Variants in THBS1 observed in about 807,000 individuals in gnomAD.
THBS1 encodes the protein thrombospondin 1, also known as thrombospondin-1.
In THBS1, 29 loss-of-function variants were observed where a neutral mutation model predicts 126.1. The ratio of observed to expected loss-of-function variants is 0.23; its 90% CI spans 0.17 to 0.31. The LOEUF (loss-of-function observed/expected upper bound fraction) is 0.31, where lower values mean the gene tolerates loss of function less well. Among genes scored for constraint, THBS1 ranks in the 10% least tolerant of loss-of-function variants. The pLI, the probability that THBS1 is intolerant of heterozygous loss-of-function variation, is 1.00. For synonymous variants in THBS1, 496 were observed against 577.8 expected, an observed-to-expected ratio of 0.86 and a Z score of 2.03; for missense variants, 1,198 against 1,545.2, an observed-to-expected ratio of 0.78 and a Z score of 3.77.
At position 39,589,597 on chromosome 15, in the gene THBS1, G is replaced by A. The variant is rs117965356; in HGVS notation, c.1927-208G>A. On this transcript the variant is annotated intron_variant, in intron 12 of 21. Transcript: ENST00000260356. This position sits in a 1 kb window ranked among gnomAD's most constrained non-coding sequence, Gnocchi z 4.7. ...GTTGTGAGCAGATGGACTTGTAAACGCCTAGGTGCTGAGCAAATTCAAGAA... is the reference window on the plus strand; with the variant it reads ...GTTGTGAGCAGATGGACTTGTAAACACCTAGGTGCTGAGCAAATTCAAGAA... Among the ~76,000 whole-genome samples the A allele has an allele frequency of 7.2e-5, 11 of 152,294 alleles. No homozygotes were observed. The East Asian group carries it at 1.5e-3, about 21-fold the overall frequency.
Position 39,599,324 on chromosome 15 carries a change from T to C in THBS1, c.*3955T>C, listed in dbSNP as rs1161746488. 2 of 152,236 alleles carry C rather than the reference T, an allele frequency of 1.3e-5. No individual in the cohort carries two copies. Among genetic ancestry groups the C allele is most frequent in the African/African-American group, 4.8e-5 (2 of 41,454 alleles). The allele number at this position is 152,236 out of a possible 1,614,324, so 9.4% of individuals were successfully genotyped here. A position where few individuals can be genotyped will look rare whatever the true frequency, so the allele number is the denominator to read the frequency against. On this transcript the variant is annotated 3_prime_UTR_variant, in exon 22 of 22. Coordinates refer to ENST00000260356, the MANE Select transcript of THBS1 (RefSeq NM_003246.4). ...GCTGTGAATGGTCCCACCTCTTTTA[T>C]GGCAGAATTCATTACTTAAAATAAC...
intron 15 of THBS1, 70 bp from the exon 16 acceptor site, chr15:39,591,435 T>C (rs1001703539): frequency 1.2e-6 from 2 of 1,607,386 alleles, no homozygotes; most frequent in Non-Finnish European, 1.7e-6. Context: ...TCCTGGCTAT[T>C]AGTATGCACT....
rs781668577 is a variant in THBS1, at chr15:39,581,823, C to T, written c.-29-6C>T. On this transcript the variant is annotated splice_polypyrimidine_tract_variant and splice_region_variant and intron_variant, in intron 1 of 21. Coordinates refer to ENST00000260356, the MANE Select transcript of THBS1 (RefSeq NM_003246.4). ...TGACCCTCGGCTCTTGTGCTTCCTGCTACAGGATCCCTGCTGGGCACCAAC... is the reference window on the plus strand; with the variant it reads ...TGACCCTCGGCTCTTGTGCTTCCTGTTACAGGATCCCTGCTGGGCACCAAC... 8.6e-5 allele frequency: 138 copies of T among 1,602,266 alleles called. 2 individuals carry two copies. In the Middle Eastern group the frequency reaches 9.9e-4, roughly 11 times the overall value.
chr15:39,593,745 A>G lies in THBS1; in HGVS notation c.3267+77A>G. 6.4e-7 allele frequency: 1 copy of G among 1,557,680 alleles called. No homozygotes were observed. The highest frequency in any genetic ancestry group is 2.3e-5 in the East Asian group (1 of 44,430). ...CACTGGGGATGCTGTGCTTTGACCA[A>G]GACTCTGACCAGGGAGTCTTAGAAA... On this transcript the variant is annotated intron_variant, in intron 19 of 21. Coordinates refer to ENST00000260356, the MANE Select transcript of THBS1 (RefSeq NM_003246.4). This position sits in a 1 kb window ranked among gnomAD's most constrained non-coding sequence, Gnocchi z 5.9.
chr15:39,584,545 T>G lies in THBS1; in HGVS notation c.1026+123T>G, dbSNP rs1890175702. ...GTTCCATGGCCTGATAACAAAGTGT[T>G]TTTTTTTTCTTTAAGATGCAATTAT... On this transcript the variant is annotated intron_variant, in intron 6 of 21. Transcript: ENST00000260356. 9 of 1,340,600 alleles carry G rather than the reference T, an allele frequency of 6.7e-6. No homozygotes were observed. In the South Asian group the frequency reaches 1.3e-4, roughly 20 times the overall value. The allele number at this position is 1,340,600 out of a possible 1,614,324, so 83.0% of individuals were successfully genotyped here. A position where few individuals can be genotyped will look rare whatever the true frequency, so the allele number is the denominator to read the frequency against.
rs946391188 is a variant in THBS1, at chr15:39,591,172, C to T, written c.2254-19C>T. 3.1e-6 allele frequency: 5 copies of T among 1,610,990 alleles called. No individual in the cohort carries two copies. In the African/African-American group the frequency reaches 4.0e-5, roughly 13 times the overall value. On this transcript the variant is annotated intron_variant, in intron 14 of 21. Coordinates refer to ENST00000260356, the MANE Select transcript of THBS1 (RefSeq NM_003246.4). ...TTCAAGGACAACATTGTTAAGTGCTCCATTTCTTCTCTTTGCAGGACAACT... is the reference window on the plus strand; with the variant it reads ...TTCAAGGACAACATTGTTAAGTGCTTCATTTCTTCTCTTTGCAGGACAACT...
chr15:39,584,232 G>A (rs774812152), intron 5 of THBS1, 45 bp downstream of exon 5: 8 of 1,614,074 alleles, frequency 5.0e-6, no homozygotes, highest in South Asian at 3.3e-5. Context: ...ACCCTGGAAG[G>A]TTTATCGCAG....
In THBS1 at chr15:39,582,594, ACCCTGTTT is replaced by A; in HGVS notation, c.470_477del (p.Thr157SerfsTer13). 1 of 1,614,104 alleles carries A rather than the reference ACCCTGTTT, an allele frequency of 6.2e-7. No individual in the cohort carries two copies. Among genetic ancestry groups the A allele is most frequent in the Non-Finnish European group, 8.5e-7 (1 of 1,180,030 alleles). ...GGCAACCGGCCAGTGGAAGAGCATC[ACCCTGTTT>A]GTGCAGGAAGACAGGGCCCAGCTGT... On this transcript the variant is annotated frameshift_variant, in exon 3 of 22. Transcript: ENST00000260356. LOFTEE classifies it high-confidence loss of function.
At position 39,590,008 on chromosome 15, in the gene THBS1, T is replaced by C. The variant is rs1168599369; in HGVS notation, c.2130T>C (p.Thr710=). 1.2e-6 allele frequency: 2 copies of C among 1,605,110 alleles called. No individual in the cohort carries two copies. Among genetic ancestry groups the C allele is most frequent in the Non-Finnish European group, 1.7e-6 (2 of 1,175,636 alleles). ...NENLVCVANA[T]YHCKKDNCPN... ...ACCTGGTGTGCGTGGCCAATGCGAC[T>C]TACCACTGCAAAAAGGTAGAGCCAG... The change falls in exon 13 of 22, where the codon ACT becomes ACC. Residue 710 remains threonine, a synonymous_variant. Transcript: ENST00000260356.
At chr15:39,590,967 A>G in intron 14 of THBS1, 2 of 575,924 alleles carry the variant, frequency 3.5e-6, no homozygotes, top group Non-Finnish European at 6.0e-6. Context: ...TGATGGGATT[A>G]TATTCTACAT....
At position 39,593,591 on chromosome 15, in the gene THBS1, A is replaced by G; in HGVS notation, c.3190A>G (p.Lys1064Glu). 6.2e-7 allele frequency: 1 copy of G among 1,614,218 alleles called. No homozygotes were observed. The highest frequency in any genetic ancestry group is 8.5e-7 in the Non-Finnish European group (1 of 1,180,034). ...RAQGYSGLSV[K>E]VVNSTTGPGE... ...TCAGGGATACTCGGGCCTTTCTGTG[A>G]AAGTTGTAAACTCCACCACAGGGCC... Residue 1064 changes from lysine to glutamate, a missense_variant, in exon 19 of 22, where the codon AAA becomes GAA. Transcript: ENST00000260356. This position sits in a 1 kb window ranked among gnomAD's most constrained non-coding sequence, Gnocchi z 5.9.
At chr15:39,584,543 G>GT (rs5812127) in intron 6 of THBS1, 121 bp downstream of exon 6, 203,046 of 1,120,366 alleles carry the variant, frequency 0.18, 9,569 homozygotes, top group African/African-American at 0.43. Context: ...ATAACAAAGT[G>GT]TTTTTTTTTT....
In THBS1 at chr15:39,589,153, T is replaced by C. The variant is rs1566840604; in HGVS notation, c.1774-49T>C. ...GCAGCTAACCTGTGCAGTCGCTTCC[T>C]TATGGCAGTGACTTCTAAACATGAT... On this transcript the variant is annotated intron_variant, in intron 11 of 21. Coordinates refer to ENST00000260356, the MANE Select transcript of THBS1 (RefSeq NM_003246.4). The surrounding 1 kb of genome is among the most constrained non-coding windows in gnomAD (Gnocchi z 4.7). The C allele has an allele frequency of 6.2e-7, 1 of 1,613,004 alleles. No homozygotes were observed. Among genetic ancestry groups the C allele is most frequent in the East Asian group, 2.2e-5 (1 of 44,854 alleles).
At position 39,589,495 on chromosome 15, in the gene THBS1, A is replaced by T; in HGVS notation, c.1926+141A>T. 8.5e-7 allele frequency: 1 copy of T among 1,171,010 alleles called. No individual in the cohort carries two copies. Among genetic ancestry groups the T allele is most frequent in the Non-Finnish European group, 1.2e-6 (1 of 856,546 alleles). 72.5% of individuals were successfully genotyped at this position (1,171,010 alleles called of 1,614,324 possible). ...ATGAATGTACGGTCTAGTTTTAGAA[A>T]CGTGATTAGAAAATCCATGGTAAAT... is the stretch of plus-strand genomic sequence containing the variant. On this transcript the variant is annotated intron_variant, in intron 12 of 21. Coordinates refer to ENST00000260356, the MANE Select transcript of THBS1 (RefSeq NM_003246.4). The surrounding 1 kb of genome is among the most constrained non-coding windows in gnomAD (Gnocchi z 4.7).
In THBS1 at chr15:39,594,124, G is replaced by C. The variant is rs780442980; in HGVS notation, c.3293G>C (p.Arg1098Pro). The change falls in exon 20 of 22, where the codon CGT (arginine) becomes CCT (proline). Residue 1098 changes from arginine (R) to proline (P), a missense_variant. This residue lies in a region of THBS1 where 255 missense variants were observed against 373.9 expected (regional missense o/e 0.68). Transcript: ENST00000260356. This position sits in a 1 kb window ranked among gnomAD's most constrained non-coding sequence, Gnocchi z 4.4. ...GQVRTLWHDP[R>P]HIGWKDFTAY... ...GTGCGCACCCTGTGGCATGACCCTC[G>C]TCACATAGGCTGGAAAGATTTCACC... 49 of 1,613,788 alleles carry C rather than the reference G, an allele frequency of 3.0e-5. No homozygotes were observed. The highest frequency in any genetic ancestry group is 4.0e-5 in the Non-Finnish European group (47 of 1,179,956).
chr15:39,584,367 A>G lies in THBS1; in HGVS notation c.971A>G (p.Gln324Arg). The G allele has an allele frequency of 6.2e-7, 1 of 1,614,264 alleles. No homozygotes were observed. The highest frequency in any genetic ancestry group is 2.2e-5 in the East Asian group (1 of 44,890). The part of the protein sequence containing the change: ...RPPLCYHNGV[Q>R]YRNNEEWTVD... ...CCCCTATGCTATCACAACGGAGTTC[A>G]GTACAGAAATAACGAGGAATGGACT... The change falls in exon 6 of 22, where the codon CAG becomes CGG. Residue 324 changes from glutamine (Q) to arginine (R), a missense_variant. Physicochemically the swap from Gln to Arg is conservative, Grantham distance 43. Transcript: ENST00000260356.
Position 39,588,708 on chromosome 15 carries a change from C to T in THBS1, c.1645+9C>T, listed in dbSNP as rs373521136. ...GCAGGACTGTCCAATTGGTGAGCCA[C>T]GCAGCCCAGGATGAAACGACCCAGG... On this transcript the variant is annotated intron_variant, in intron 10 of 21. Coordinates refer to ENST00000260356, the MANE Select transcript of THBS1 (RefSeq NM_003246.4). The T allele has an allele frequency of 1.4e-4, 212 of 1,563,052 alleles. No individual in the cohort carries two copies. Among genetic ancestry groups the T allele is most frequent in the Non-Finnish European group, 1.7e-4 (201 of 1,155,790 alleles).
rs754843401 is a variant in THBS1, at chr15:39,593,458, C to T, written c.3057C>T (p.Asp1019=). 98 of 1,613,990 alleles carry T rather than the reference C, an allele frequency of 6.1e-5. No individual in the cohort carries two copies. The highest frequency in any genetic ancestry group is 7.4e-5 in the Non-Finnish European group (87 of 1,180,014). Residue 1019 remains aspartate, a synonymous_variant, in exon 19 of 22, where the codon GAC becomes GAT. Transcript: ENST00000260356. The surrounding 1 kb of genome is among the most constrained non-coding windows in gnomAD (Gnocchi z 5.9). ...CCTTCTTCATCAACACCGAAAGGGACGATGACTATGCTGGATTTGTCTTTG... is the reference window on the plus strand; with the variant it reads ...CCTTCTTCATCAACACCGAAAGGGATGATGACTATGCTGGATTTGTCTTTG... ...SGTFFINTER[D]DDYAGFVFGY... is the part of the protein sequence containing the mutation.
intron 9 of THBS1, 95 bp downstream of exon 9, chr15:39,588,313 A>G: frequency 6.9e-7 from 1 of 1,446,170 alleles, no homozygotes; most frequent in Non-Finnish European, 9.2e-7. Context: ...TGGGTCATAG[A>G]GCAGGAAGGT....
Sources: gnomAD v4.1 joint callset for allele counts (sites outside exome capture counted in the v4.1 genomes callset) on GRCh38, gnomAD v4.1.1 for gene constraint, gnomAD v4.1.1 regional missense constraint, Gnocchi (gnomAD v3.1) non-coding constraint, MANE v1.5 for transcripts, NCBI Gene and HGNC (gene_info 2026-07-23, HGNC 2026-07-21) for gene names.